Variants in ATRNL1 observed in about 807,000 individuals in gnomAD.
ATRNL1 encodes attractin-like protein 1.
A neutral mutation model predicts 182.7 loss-of-function variants in ATRNL1; 95 were observed. The ratio of observed to expected loss-of-function variants is 0.52; its 90% CI spans 0.44 to 0.62. ATRNL1 has a LOEUF of 0.62. Ranked by LOEUF, ATRNL1 falls within the 20% of genes least tolerant of loss-of-function variation. The probability of loss-of-function intolerance (pLI) is 0.00; values close to 1 mark genes in which losing one functional copy is unlikely to be tolerated. For missense variants in ATRNL1, 1,471 were observed against 1,679.5 expected (o/e 0.88, Z 2.17); for synonymous variants, 576 against 568.3 (o/e 1.01, Z -0.19).
At chr10:115,916,537 C>T (rs1185175524) in intron 28 of ATRNL1, among the ~76,000 whole-genome samples, 2 of 152,222 alleles carry the variant, frequency 1.3e-5, no homozygotes, top group Non-Finnish European at 2.9e-5. Flanking sequence ...TCAGCTCTCC[C>T]TCGCCTCATG....
At chr10:115,180,206 C>T (rs1554887626) in intron 8 of ATRNL1, among the ~76,000 whole-genome samples, 3 of 151,730 alleles carry the variant, frequency 2.0e-5, no homozygotes, top group Non-Finnish European at 4.4e-5. Flanking sequence ...TTCAACTTCT[C>T]CATTATTCTG....
intron 27 of ATRNL1, among the ~76,000 whole-genome samples, chr10:115,845,298 A>G (rs1950901931): frequency 6.6e-6 from 1 of 152,060 alleles, no homozygotes; most frequent in Non-Finnish European, 1.5e-5. Flanking sequence ...TTTCTATACA[A>G]TAGCAGTAGA....
chr10:115,249,052 G>A (rs1174551501), intron 10 of ATRNL1, among the ~76,000 whole-genome samples: 1 of 151,960 alleles, frequency 6.6e-6, no homozygotes, highest in Non-Finnish European at 1.5e-5. Flanking sequence ...CATGACCTCG[G>A]CTCACTGCAA....
chr10:115,278,935 G>A (rs1023012895), intron 13 of ATRNL1, among the ~76,000 whole-genome samples: 8 of 152,170 alleles, frequency 5.3e-5, no homozygotes, highest in Middle Eastern at 3.4e-3. Flanking sequence ...GGGCACAGTG[G>A]CATACACCTG....
intron 26 of ATRNL1, among the ~76,000 whole-genome samples, chr10:115,624,791 A>C (rs1555024137): frequency 6.6e-6 from 1 of 152,188 alleles, no homozygotes; most frequent in South Asian, 2.1e-4. Context: ...GCTCCTATAT[A>C]AAATAATTAG....
At chr10:115,296,653 A>G (rs894804518) in intron 15 of ATRNL1, among the ~76,000 whole-genome samples, 3 of 152,152 alleles carry the variant, frequency 2.0e-5, no homozygotes, top group Middle Eastern at 3.4e-3. Flanking sequence ...TTTGAAGTGG[A>G]TATTGCAATA....
intron 20 of ATRNL1, among the ~76,000 whole-genome samples, chr10:115,395,855 T>A (rs1411859002): frequency 6.6e-6 from 1 of 151,778 alleles, no homozygotes; most frequent in Non-Finnish European, 1.5e-5. Context: ...TAAAATCAAA[T>A]TTTTATGGTT....
intron 20 of ATRNL1, among the ~76,000 whole-genome samples, chr10:115,422,786 A>C (rs1270440104): frequency 1.3e-5 from 2 of 152,210 alleles, no homozygotes; most frequent in African/African-American, 4.8e-5. Flanking sequence ...CAAGTACTAC[A>C]TGTTCTCACT....
At chr10:115,502,705 T>G (rs1251306332) in intron 24 of ATRNL1, among the ~76,000 whole-genome samples, 2 of 152,156 alleles carry the variant, frequency 1.3e-5, no homozygotes, top group African/African-American at 4.8e-5. Flanking sequence ...TTAATGTGCC[T>G]TTGACATTAA....
intron 28 of ATRNL1, among the ~76,000 whole-genome samples, chr10:115,879,954 G>T (rs114605914): frequency 0.014 from 2,076 of 152,218 alleles, 53 homozygotes; most frequent in South Asian, 0.049. Context: ...CCAGGAAATT[G>T]TTCAGAAGCT....
chr10:115,137,504 A>G (rs1554876985), intron 5 of ATRNL1, among the ~76,000 whole-genome samples: 1 of 152,206 alleles, frequency 6.6e-6, no homozygotes, highest in African/African-American at 2.4e-5. Context: ...TAATGGACTT[A>G]CAATTCCACA....
At chr10:115,448,258 A>G (rs1288896880) in intron 21 of ATRNL1, among the ~76,000 whole-genome samples, 2 of 152,144 alleles carry the variant, frequency 1.3e-5, no homozygotes, top group Non-Finnish European at 2.9e-5. Context: ...GCTACATGGC[A>G]CCTACCCTAA....
intron 8 of ATRNL1, among the ~76,000 whole-genome samples, chr10:115,205,281 G>A (rs188354140): frequency 6.6e-6 from 1 of 151,598 alleles, no homozygotes; most frequent in Admixed American, 6.6e-5. Flanking sequence ...ATAGGACTTT[G>A]CCTGTTTTTT....
chr10:115,130,597 G>A (rs1822166905), intron 5 of ATRNL1, among the ~76,000 whole-genome samples: 1 of 152,030 alleles, frequency 6.6e-6, no homozygotes. Context: ...GTTACCAATT[G>A]CAATTATGTC....
At chr10:115,632,392 A>G (rs77904834) in intron 26 of ATRNL1, among the ~76,000 whole-genome samples, 1 of 152,118 alleles carries the variant, frequency 6.6e-6, no homozygotes, top group African/African-American at 2.4e-5. Flanking sequence ...TTTTTATATG[A>G]TCTTCAGGGA....
At chr10:115,762,449 A>C (rs1948756826) in intron 27 of ATRNL1, among the ~76,000 whole-genome samples, 1 of 152,194 alleles carries the variant, frequency 6.6e-6, no homozygotes. Context: ...CAAAATTAAG[A>C]ATTCATTGAT....
At chr10:115,125,848 A>G (rs1844948296) in intron 3 of ATRNL1, among the ~76,000 whole-genome samples, 1 of 152,180 alleles carries the variant, frequency 6.6e-6, no homozygotes, top group South Asian at 2.1e-4. Context: ...TCTTACCTCC[A>G]GCCTTGAAAT....
chr10:115,337,477 C>G (rs1410654211), intron 19 of ATRNL1, among the ~76,000 whole-genome samples: 2 of 152,088 alleles, frequency 1.3e-5, no homozygotes, highest in Admixed American at 1.3e-4. Context: ...ACTATACCCC[C>G]TGCCCTCCAG....
chr10:115,672,013 TTAAA>T (rs1274789478), intron 26 of ATRNL1, among the ~76,000 whole-genome samples: 1 of 152,124 alleles, frequency 6.6e-6, no homozygotes, highest in Non-Finnish European at 1.5e-5. Context: ...AATATTCACT[TTAAA>T]TAACATTTTA....
Sources: allele counts gnomAD v4.1 joint callset (sites outside exome capture counted in the v4.1 genomes callset), GRCh38; gene constraint gnomAD v4.1.1; transcripts MANE v1.5; gene names NCBI Gene and HGNC (gene_info 2026-07-23, HGNC 2026-07-21).